The following DNAH11 variants were observed in gnomAD, a reference collection of about 807,000 sequenced individuals.
DNAH11 encodes axonemal beta dynein heavy chain 11.
A neutral mutation model predicts 526.0 loss-of-function variants in DNAH11; 442 were observed. The observed-to-expected ratio is 0.84, with a 90% CI of 0.78 to 0.91. DNAH11 has a LOEUF of 0.91. DNAH11 is among the 40% of genes least tolerant of loss of function. The pLI is 0.00. For missense variants in DNAH11, 6,989 were observed against 5,448.7 expected, an observed-to-expected ratio of 1.28 and a Z score of -8.90; for synonymous variants, 2,461 against 1,935.9, an observed-to-expected ratio of 1.27 and a Z score of -7.12.
chr7:21,544,033 A>G (rs1782707603), intron 1 of DNAH11, among the ~76,000 whole-genome samples: 1 of 152,140 alleles, frequency 6.6e-6, no homozygotes, highest in African/African-American at 2.4e-5. Context: ...CGTGCCAACA[A>G]CACTTCACCC....
chr7:21,676,463 T>G (rs1474860231), intron 30 of DNAH11, among the ~76,000 whole-genome samples: 1 of 152,182 alleles, frequency 6.6e-6, no homozygotes, highest in African/African-American at 2.4e-5. Flanking sequence ...ATAATAGACA[T>G]TTTATAACTA....
chr7:21,789,812 C>CTTTCTTTCTTTCTTT lies in DNAH11; in HGVS notation c.10026+471_10026+485dup, dbSNP rs1554281418. Among the ~76,000 whole-genome samples, 629 of 75,944 alleles carry CTTTCTTTCTTTCTTT rather than the reference C, an allele frequency of 8.3e-3. 1 individual carries two copies. The highest frequency in any genetic ancestry group is 0.017 in the South Asian group (31 of 1,778). The allele number at this position is 75,944 out of a possible 152,430, so 49.8% of individuals were successfully genotyped here. On this transcript the variant is annotated intron_variant, in intron 61 of 81. Coordinates refer to ENST00000409508, the MANE Select transcript of DNAH11 (RefSeq NM_001277115.2). ...TTCTTTCTTTCTTTCTTTCTTTTTT[C>CTTTCTTTCTTTCTTT]TTTCTTTCTTTCTTTCTTTCTTTCT...
chr7:21,727,493 T>C (rs1190967616), intron 45 of DNAH11, among the ~76,000 whole-genome samples: 2 of 152,256 alleles, frequency 1.3e-5, no homozygotes, highest in African/African-American at 4.8e-5. Flanking sequence ...TGACAGCTAA[T>C]GATCCAAATG....
chr7:21,633,150 C>T (rs1786695501), intron 25 of DNAH11, among the ~76,000 whole-genome samples: 1 of 152,188 alleles, frequency 6.6e-6, no homozygotes, highest in African/African-American at 2.4e-5. Context: ...TCAATTACCT[C>T]CCAGTGGGTC....
At chr7:21,859,420 G>A (rs962732386) in intron 68 of DNAH11, among the ~76,000 whole-genome samples, 1 of 152,110 alleles carries the variant, frequency 6.6e-6, no homozygotes, top group Non-Finnish European at 1.5e-5. Flanking sequence ...ACCTATAAAT[G>A]CTTTTGTGTT....
chr7:21,870,747 T>C (rs1783465171), intron 73 of DNAH11, among the ~76,000 whole-genome samples: 1 of 152,242 alleles, frequency 6.6e-6, no homozygotes, highest in South Asian at 2.1e-4. Context: ...TAAAAGATCT[T>C]ATTTTGTCAA....
chr7:21,835,236 A>G (rs1158683875), intron 65 of DNAH11, among the ~76,000 whole-genome samples: 1 of 147,070 alleles, frequency 6.8e-6, no homozygotes, highest in Non-Finnish European at 1.5e-5. Flanking sequence ...AAAAAAAAAA[A>G]AAAAACAGAG....
In DNAH11 at chr7:21,717,827, T is replaced by C. The variant is rs374842931; in HGVS notation, c.7036T>C (p.Leu2346=). 3.9e-5 allele frequency: 63 copies of C among 1,613,886 alleles called. No homozygotes were observed. In the African/African-American group the frequency reaches 6.8e-4, roughly 17 times the overall value. Residue 2346 remains leucine, a synonymous_variant, in exon 43 of 82, where the codon TTG becomes CTG. Transcript: ENST00000409508. ...GCGGCATCAATCAGAAAAGGCCAAT[T>C]TGACTATTCTTTTTGATAAATATGT... ...RRRHQSEKAN[L]TILFDKYVPA...
intron 69 of DNAH11, among the ~76,000 whole-genome samples, chr7:21,862,800 G>T (rs1055440112): frequency 1.3e-5 from 2 of 152,050 alleles, no homozygotes; most frequent in Non-Finnish European, 2.9e-5. Flanking sequence ...GTTCATGGCC[G>T]GGCACGGTGG....
At chr7:21,728,971 G>C (rs570874266) in intron 45 of DNAH11, among the ~76,000 whole-genome samples, 4 of 152,368 alleles carry the variant, frequency 2.6e-5, no homozygotes, top group South Asian at 2.1e-4. Flanking sequence ...GCCCTTGGGG[G>C]CAGCAGCCCT....
At chr7:21,748,789 A>G (rs777806485) in intron 52 of DNAH11, 47 bp downstream of exon 52, 11 of 1,564,754 alleles carry the variant, frequency 7.0e-6, no homozygotes, top group African/African-American at 4.1e-5. Flanking sequence ...TGCTTGGCAG[A>G]TAAAGCCGAG....
intron 7 of DNAH11, chr7:21,570,661 A>AATTGGT: frequency 6.1e-6 from 1 of 163,888 alleles, no homozygotes; most frequent in Non-Finnish European, 1.3e-5. Context: ...TAATGCTTAA[A>AATTGGT]ATTGGTATTT....
intron 8 of DNAH11, among the ~76,000 whole-genome samples, chr7:21,578,778 C>T (rs1784200275): frequency 6.6e-6 from 1 of 152,080 alleles, no homozygotes; most frequent in Admixed American, 6.5e-5. Flanking sequence ...TGTGTACCCA[C>T]AGAAACATGT....
chr7:21,635,146 G>A (rs562876390), intron 25 of DNAH11, among the ~76,000 whole-genome samples: 1 of 92,488 alleles, frequency 1.1e-5, no homozygotes, highest in African/African-American at 7.1e-5. Flanking sequence ...GGGGCAGTTT[G>A]TTTGTTTGTT....
chr7:21,613,917 G>T (rs1785646601), intron 20 of DNAH11, among the ~76,000 whole-genome samples: 1 of 148,920 alleles, frequency 6.7e-6, no homozygotes, highest in Non-Finnish European at 1.5e-5. Context: ...ATAGGCACAT[G>T]CCACCATGCC....
chr7:21,698,439 C>G (rs753047295), intron 36 of DNAH11, among the ~76,000 whole-genome samples: 5 of 151,914 alleles, frequency 3.3e-5, no homozygotes, highest in Non-Finnish European at 7.4e-5. Flanking sequence ...TACACAGTAC[C>G]CAGTGTGTAG....
In DNAH11 at chr7:21,659,297, T is replaced by G. The variant is rs559166256; in HGVS notation, c.5328+266T>G. The stretch of plus-strand genomic sequence containing the variant: ...ATACTAGATACTGTACATGCTTATT[T>G]TCTTCTGTGTAAGACTCTCCAACTA... On this transcript the variant is annotated intron_variant, in intron 30 of 81. Coordinates refer to ENST00000409508, the MANE Select transcript of DNAH11 (RefSeq NM_001277115.2). 3.3e-3 allele frequency among the ~76,000 whole-genome samples: 495 copies of G among 149,858 alleles called. 1 individual carries two copies. The highest frequency in any genetic ancestry group is 5.3e-3 in the Non-Finnish European group (355 of 67,614).
intron 20 of DNAH11, among the ~76,000 whole-genome samples, chr7:21,607,211 T>C (rs976037194): frequency 6.6e-6 from 1 of 152,190 alleles, no homozygotes; most frequent in East Asian, 1.9e-4. Context: ...CCAGTGTTCG[T>C]GGACAAGAAG....
At position 21,655,932 on chromosome 7, in the gene DNAH11, A is replaced by G; in HGVS notation, c.5045A>G (p.Lys1682Arg). The change falls in exon 29 of 82, where the codon AAA becomes AGA. Residue 1682 changes from lysine (K) to arginine (R), a missense_variant. Lys to Arg is a conservative substitution (Grantham distance 26). Transcript: ENST00000409508. Reference protein sequence around the residue: ...SAHRAVGMYSKEKEYVPFQAE... With the variant: ...SAHRAVGMYSREKEYVPFQAE... ...CACAGGGCAGTTGGAATGTACAGCA[A>G]AGAAAAGGAGTATGTCCCATTCCAA... is the stretch of plus-strand genomic sequence containing the variant. 1 of 1,612,974 alleles carries G rather than the reference A, an allele frequency of 6.2e-7. No homozygotes were observed. Among genetic ancestry groups the G allele is most frequent in the Non-Finnish European group, 8.5e-7 (1 of 1,179,338 alleles).
Sources: gnomAD v4.1 joint callset for allele counts (sites outside exome capture counted in the v4.1 genomes callset) on GRCh38, gnomAD v4.1.1 for gene constraint, MANE v1.5 for transcripts, NCBI Gene and HGNC (gene_info 2026-07-23, HGNC 2026-07-21) for gene names.